Variants in KANSL1 observed in about 807,000 individuals in gnomAD.
The protein encoded by KANSL1 is KAT8 regulatory NSL complex subunit 1.
A neutral mutation model predicts 103.6 loss-of-function variants in KANSL1; 22 were observed. That is an observed-to-expected ratio of 0.21 (90% CI 0.15 to 0.30). The LOEUF is 0.30. KANSL1 is among the 10% of genes least tolerant of loss of function. The pLI, the probability that KANSL1 is intolerant of heterozygous loss-of-function variation, is 1.00. For missense variants in KANSL1, 1,337 were observed against 1,399.8 expected (o/e 0.96, Z 0.72); for synonymous variants, 600 against 527.6 (o/e 1.14, Z -1.88).
chr17:46,166,098 G>T (rs191901152), intron 2 of KANSL1, among the ~76,000 whole-genome samples: 1 of 151,754 alleles, frequency 6.6e-6, no homozygotes, highest in African/African-American at 2.4e-5. Context: ...TGTAATCCCA[G>T]CTTACTCAGG....
At chr17:46,120,262 A>G (rs1050107334) in intron 2 of KANSL1, among the ~76,000 whole-genome samples, 2 of 152,226 alleles carry the variant, frequency 1.3e-5, no homozygotes, top group African/African-American at 4.8e-5. Flanking sequence ...TCTGAATGCC[A>G]AAGTGAGTTT....
chr17:46,102,053 G>C (rs1567676508), intron 2 of KANSL1, among the ~76,000 whole-genome samples: 1 of 152,156 alleles, frequency 6.6e-6, no homozygotes, highest in Non-Finnish European at 1.5e-5. Context: ...TAAAAAGATG[G>C]AGGGGATAAA....
chr17:46,165,771 A>G (rs989047580), intron 2 of KANSL1, among the ~76,000 whole-genome samples: 4 of 151,798 alleles, frequency 2.6e-5, no homozygotes, highest in East Asian at 2.0e-4. Context: ...TTGGCCTCCC[A>G]AAGTGCTGGG....
intron 6 of KANSL1, among the ~76,000 whole-genome samples, chr17:46,057,380 T>G (rs1403172021): frequency 6.6e-6 from 1 of 152,220 alleles, no homozygotes; most frequent in African/African-American, 2.4e-5. Context: ...TGCTTTCTTC[T>G]GTACAAACTG....
In KANSL1 at chr17:46,099,524, A is replaced by G. The variant is rs1364386793; in HGVS notation, c.1290-4823T>C. Among the ~76,000 whole-genome samples, 3 of 152,218 alleles carry G rather than the reference A, an allele frequency of 2.0e-5. No individual in the cohort carries two copies. In the East Asian group the frequency reaches 5.8e-4, roughly 29 times the overall value. Reference sequence around the variant, plus strand: ...CCATACAGACTTCAGGAAAGAACACAGGACTAAGGTTGCAGAATAATACTT... The same window carrying G: ...CCATACAGACTTCAGGAAAGAACACGGGACTAAGGTTGCAGAATAATACTT... On this transcript the variant is annotated intron_variant, in intron 2 of 14. Coordinates refer to ENST00000432791, the MANE Select transcript of KANSL1 (RefSeq NM_015443.4).
chr17:46,165,973 G>A (rs1392675743), intron 2 of KANSL1, among the ~76,000 whole-genome samples: 2 of 147,330 alleles, frequency 1.4e-5, no homozygotes, highest in African/African-American at 4.9e-5. Flanking sequence ...CACTTCGGTA[G>A]GCCAAGGTGG....
intron 3 of KANSL1, among the ~76,000 whole-genome samples, chr17:46,086,767 G>A (rs62060859): frequency 0.14 from 21,785 of 152,036 alleles, 2,133 homozygotes; most frequent in Non-Finnish European, 0.22. Context: ...CAGCCTGGGC[G>A]ACGTGGCAAA....
intron 2 of KANSL1, among the ~76,000 whole-genome samples, chr17:46,148,876 G>A (rs149063398): frequency 1.6e-3 from 233 of 142,924 alleles, no homozygotes; most frequent in African/African-American, 5.8e-3. Flanking sequence ...ATGAACCACC[G>A]TACCTGGCCT....
intron 2 of KANSL1, among the ~76,000 whole-genome samples, chr17:46,157,137 C>G (rs937344324): frequency 2.0e-5 from 3 of 152,232 alleles, no homozygotes; most frequent in Non-Finnish European, 4.4e-5. Context: ...AACCCCTTTT[C>G]TAGGACTGCC....
At chr17:46,081,873 A>T (rs996943322) in intron 4 of KANSL1, among the ~76,000 whole-genome samples, 1 of 152,242 alleles carries the variant, frequency 6.6e-6, no homozygotes, top group Non-Finnish European at 1.5e-5. Flanking sequence ...AGGCAAAGTA[A>T]AAAAGTGAAA....
chr17:46,039,950 C>T (rs2077264513), intron 7 of KANSL1, 66 bp from the exon 8 acceptor site: 1 of 1,432,614 alleles, frequency 7.0e-7, no homozygotes, highest in Non-Finnish European at 9.7e-7. Context: ...TCAAGACCTA[C>T]ACTCCATCCT....
intron 3 of KANSL1, among the ~76,000 whole-genome samples, chr17:46,084,275 G>A (rs116924631): frequency 1.3e-4 from 20 of 152,132 alleles, no homozygotes; most frequent in Non-Finnish European, 8.8e-5. Flanking sequence ...CCAGCTACTC[G>A]GAAGGCTGAA....
chr17:46,164,551 A>C (rs117405676), intron 2 of KANSL1, among the ~76,000 whole-genome samples: 5,731 of 152,292 alleles, frequency 0.038, 135 homozygotes, highest in Middle Eastern at 0.088. Context: ...CCCATACATC[A>C]AGAAATAAGA....
chr17:46,038,892 G>A, intron 9 of KANSL1, 135 bp downstream of exon 9: 1 of 1,189,602 alleles, frequency 8.4e-7, no homozygotes, highest in Non-Finnish European at 1.2e-6. Flanking sequence ...CCATTTAGAA[G>A]CAGTAGCGTC....
chr17:46,138,409 T>C (rs1434372248), intron 2 of KANSL1, among the ~76,000 whole-genome samples: 2 of 152,252 alleles, frequency 1.3e-5, no homozygotes, highest in South Asian at 2.1e-4. Flanking sequence ...GCATTTACAC[T>C]GTATTAGGTG....
intron 2 of KANSL1, among the ~76,000 whole-genome samples, chr17:46,105,727 C>T (rs890310631): frequency 1.3e-5 from 2 of 151,962 alleles, no homozygotes; most frequent in African/African-American, 2.4e-5. Flanking sequence ...AAAAATTAGC[C>T]GGGAATGGTG....
intron 2 of KANSL1, among the ~76,000 whole-genome samples, chr17:46,164,124 G>A (rs2045882791): frequency 8.9e-6 from 1 of 112,858 alleles, no homozygotes; most frequent in Non-Finnish European, 2.4e-5. Context: ...GTTATCTCTT[G>A]TGTCTTACAC....
At chr17:46,124,817 G>C (rs2043441677) in intron 2 of KANSL1, among the ~76,000 whole-genome samples, 1 of 151,870 alleles carries the variant, frequency 6.6e-6, no homozygotes, top group Non-Finnish European at 1.5e-5. Context: ...AATAGAGCCT[G>C]AAGATGTGAC....
At chr17:46,038,852 G>A in intron 9 of KANSL1, 166 bp from the exon 10 acceptor site, 1 of 1,122,564 alleles carries the variant, frequency 8.9e-7, no homozygotes, top group Non-Finnish European at 1.3e-6. Context: ...GGGCAGGGCA[G>A]AGGTTGCTGT....
Sources: gnomAD v4.1 joint callset for allele counts (sites outside exome capture counted in the v4.1 genomes callset) on GRCh38, gnomAD v4.1.1 for gene constraint, MANE v1.5 for transcripts, NCBI Gene and HGNC (gene_info 2026-07-23, HGNC 2026-07-21) for gene names.